The following DGKB variants were observed in gnomAD, a reference collection of about 807,000 sequenced individuals.
The protein encoded by DGKB is diacylglycerol kinase beta.
Under a neutral mutation model 114.3 loss-of-function variants are expected in DGKB, and 67 were observed. That is an observed-to-expected ratio of 0.59 (90% CI 0.48 to 0.72). The LOEUF (loss-of-function observed/expected upper bound fraction) is 0.72. DGKB is among the 30% of genes least tolerant of loss of function. The pLI is 0.00. For missense variants in DGKB, 907 were observed against 975.2 expected (o/e 0.93, Z 0.93); for synonymous variants, 398 against 323.1 (o/e 1.23, Z -2.49).
intron 23 of DGKB, among the ~76,000 whole-genome samples, chr7:14,222,547 G>A (rs1016633797): frequency 1.1e-4 from 17 of 151,146 alleles, no homozygotes; most frequent in East Asian, 9.7e-4. Context: ...GCTAGCATTC[G>A]GTCTATCCTG....
intron 9 of DGKB, among the ~76,000 whole-genome samples, chr7:14,692,491 T>C (rs1823041293): frequency 6.6e-6 from 1 of 151,982 alleles, no homozygotes; most frequent in Non-Finnish European, 1.5e-5. Context: ...TTTTCTTTTG[T>C]TTTCTCCCAG....
chr7:14,614,442 TA>T (rs149209686), intron 15 of DGKB, among the ~76,000 whole-genome samples: 2,283 of 152,238 alleles, frequency 0.015, 68 homozygotes, highest in African/African-American at 0.052. Flanking sequence ...CTCTAAATAC[TA>T]AGTTGAACAG....
chr7:14,283,908 A>G (rs889490107), intron 23 of DGKB, among the ~76,000 whole-genome samples: 137 of 152,276 alleles, frequency 9.0e-4, no homozygotes, highest in African/African-American at 3.2e-3. Flanking sequence ...AACCATAAAA[A>G]CCATAGAAGA....
intron 23 of DGKB, among the ~76,000 whole-genome samples, chr7:14,234,367 A>G (rs952488656): frequency 1.3e-5 from 2 of 152,100 alleles, no homozygotes; most frequent in African/African-American, 2.4e-5. Flanking sequence ...CACATATACT[A>G]CGTGTATATT....
Position 14,574,393 on chromosome 7 carries a change from C to T in DGKB, c.1610-21G>A, listed in dbSNP as rs113108354. ...GTAACCTAGTGGGAAAAAAAAATAC[C>T]TTGAGAAAAGAACTCTAACCAAATA... is the stretch of plus-strand genomic sequence containing the variant. On this transcript the variant is annotated intron_variant, in intron 19 of 25. Transcript: ENST00000402815. The T allele has an allele frequency of 1.3e-3, 2,017 of 1,595,374 alleles. 27 individuals are homozygous for T. The African/African-American group carries it at 0.024, about 19-fold the overall frequency.
At chr7:14,555,244 T>C (rs982845913) in intron 20 of DGKB, among the ~76,000 whole-genome samples, 2 of 152,206 alleles carry the variant, frequency 1.3e-5, no homozygotes, top group Non-Finnish European at 2.9e-5. Context: ...CTTCAACATC[T>C]AACAAATATT....
At chr7:14,277,340 T>C (rs183538284) in intron 23 of DGKB, among the ~76,000 whole-genome samples, 4 of 151,856 alleles carry the variant, frequency 2.6e-5, no homozygotes, top group Non-Finnish European at 5.9e-5. Context: ...CCAGGTAATT[T>C]TTTTTTCTTT....
intron 21 of DGKB, among the ~76,000 whole-genome samples, chr7:14,429,933 C>A (rs183507086): frequency 1.6e-4 from 17 of 103,890 alleles, no homozygotes; most frequent in South Asian, 6.3e-4. Flanking sequence ...TCCCCCCCCC[C>A]AAAAAAAAGG....
At chr7:14,549,117 G>T (rs1434153652) in intron 20 of DGKB, among the ~76,000 whole-genome samples, 1 of 152,058 alleles carries the variant, frequency 6.6e-6, no homozygotes, top group Non-Finnish European at 1.5e-5. Context: ...CCAGCAAGGT[G>T]GTCAGAGAAT....
At chr7:14,703,645 C>A (rs1420379773) in intron 6 of DGKB, among the ~76,000 whole-genome samples, 1 of 152,076 alleles carries the variant, frequency 6.6e-6, no homozygotes, top group Non-Finnish European at 1.5e-5. Context: ...TGGGAGGCGG[C>A]AGTGATTTCA....
At chr7:14,168,370 G>A (rs948985766) in intron 25 of DGKB, among the ~76,000 whole-genome samples, 1 of 152,168 alleles carries the variant, frequency 6.6e-6, no homozygotes, top group African/African-American at 2.4e-5. Flanking sequence ...GGAGAGGAGA[G>A]AGTGTGTGGC....
chr7:14,748,739 C>A (rs1408723430), intron 4 of DGKB, among the ~76,000 whole-genome samples: 1 of 152,154 alleles, frequency 6.6e-6, no homozygotes, highest in Non-Finnish European at 1.5e-5. Flanking sequence ...AACCATGTGA[C>A]CATTATAACA....
intron 21 of DGKB, among the ~76,000 whole-genome samples, chr7:14,349,462 C>G (rs187155351): frequency 6.6e-6 from 1 of 152,008 alleles, no homozygotes; most frequent in Non-Finnish European, 1.5e-5. Context: ...TTCCTCACAG[C>G]GTAATTAGCA....
intron 8 of DGKB, among the ~76,000 whole-genome samples, chr7:14,696,914 A>C (rs556192155): frequency 1.6e-4 from 25 of 152,354 alleles, no homozygotes; most frequent in Middle Eastern, 3.4e-3. Flanking sequence ...TCATGCCATT[A>C]TCCTGTTGTT....
chr7:14,875,350 G>C (rs900307969), intron 1 of DGKB, among the ~76,000 whole-genome samples: 3 of 151,940 alleles, frequency 2.0e-5, no homozygotes, highest in Admixed American at 6.6e-5. Flanking sequence ...GCTTCTACCT[G>C]CTTGTAACTT....
Position 14,580,945 on chromosome 7 carries a change from G to A in DGKB, c.1526C>T (p.Ala509Val). The change falls in exon 19 of 26, where the codon GCC becomes GTC. Residue 509 changes from alanine (A) to valine (V), a missense_variant. By Grantham distance (64) the Ala-to-Val change is moderately conservative. Around this residue, in one of 3 missense-constraint regions of DGKB, gnomAD observed 814 missense variants for 856.6 expected, o/e 0.95. Coordinates refer to ENST00000402815, the MANE Select transcript of DGKB (RefSeq NM_001350709.2). ...VGWVLDCIEK[A>V]NVGKHPPVAI... ...AACTGGAGGATGCTTGCCTACATTG[G>A]CCTTTTCTGCAGAATAAAAAAAAAT... The A allele has an allele frequency of 6.3e-7, 1 of 1,592,750 alleles. No homozygotes were observed. The highest frequency in any genetic ancestry group is 1.3e-5 in the African/African-American group (1 of 74,318).
intron 23 of DGKB, among the ~76,000 whole-genome samples, chr7:14,296,315 C>T (rs149876969): frequency 0.018 from 2,678 of 152,252 alleles, 80 homozygotes; most frequent in African/African-American, 0.061. Flanking sequence ...CAGGCGTGAG[C>T]CACCATGCCC....
At chr7:14,786,787 A>T (rs916223748) in intron 2 of DGKB, among the ~76,000 whole-genome samples, 1 of 152,214 alleles carries the variant, frequency 6.6e-6, no homozygotes. Flanking sequence ...GGTGCCAATG[A>T]GCACGGCAGG....
chr7:14,905,953 C>G (rs1164761432), upstream of DGKB, among the ~76,000 whole-genome samples: 2 of 152,148 alleles, frequency 1.3e-5, no homozygotes, highest in Admixed American at 6.5e-5. Context: ...AAGGATGTGA[C>G]TCACTTCTCA....
Sources: gnomAD v4.1 joint callset for allele counts (sites outside exome capture counted in the v4.1 genomes callset) on GRCh38, gnomAD v4.1.1 for gene constraint, gnomAD v4.1.1 regional missense constraint, MANE v1.5 for transcripts, NCBI Gene and HGNC (gene_info 2026-07-23, HGNC 2026-07-21) for gene names.